The following ZNF423 variants were observed in gnomAD, a reference collection of about 807,000 sequenced individuals.
ZNF423 encodes Ebf-associated zinc finger protein.
A neutral mutation model predicts 95.8 loss-of-function variants in ZNF423; 12 were observed. That is an observed-to-expected ratio of 0.13 (90% CI 0.08 to 0.20). ZNF423 has a LOEUF of 0.20. ZNF423 is among the 10% of genes least tolerant of loss of function. The pLI, the probability that ZNF423 is intolerant of heterozygous loss-of-function variation, is 1.00. For synonymous variants in ZNF423, 749 were observed against 711.9 expected (o/e 1.05, Z -0.83); for missense variants, 1,316 against 1,737.1 (o/e 0.76, Z 4.31).
intron 2 of ZNF423, among the ~76,000 whole-genome samples, chr16:49,770,934 C>T (rs925057141): frequency 6.6e-6 from 1 of 152,180 alleles, no homozygotes; most frequent in Admixed American, 6.5e-5. Context: ...CTTCCAGCCC[C>T]CACCTTCCCT....
chr16:49,494,042 C>G (rs967304208), intron 7 of ZNF423, among the ~76,000 whole-genome samples: 1 of 152,246 alleles, frequency 6.6e-6, no homozygotes, highest in East Asian at 1.9e-4. Context: ...AATGAAGCAG[C>G]CTGTTGCCAG....
At chr16:49,669,739 C>A (rs572153710) in intron 3 of ZNF423, among the ~76,000 whole-genome samples, 24 of 152,198 alleles carry the variant, frequency 1.6e-4, no homozygotes, top group Non-Finnish European at 2.2e-4. Flanking sequence ...GGTCACCCCC[C>A]ACACAGAGCC....
chr16:49,824,605 T>C (rs1315714894), intron 1 of ZNF423, among the ~76,000 whole-genome samples: 1 of 152,154 alleles, frequency 6.6e-6, no homozygotes, highest in Middle Eastern at 3.4e-3. Flanking sequence ...GAGCACTGGG[T>C]GGGGAGCCAG....
intron 2 of ZNF423, among the ~76,000 whole-genome samples, chr16:49,732,212 C>G (rs1051213370): frequency 5.9e-5 from 9 of 152,188 alleles, no homozygotes; most frequent in Admixed American, 5.2e-4. Context: ...GACTCCTGGT[C>G]TAGTTCACTT....
chr16:49,837,774 A>G (rs1157644185), intron 1 of ZNF423, among the ~76,000 whole-genome samples: 1 of 152,196 alleles, frequency 6.6e-6, no homozygotes, highest in African/African-American at 2.4e-5. Flanking sequence ...AGGCAGGCAG[A>G]GGCAGCCCTA....
chr16:49,800,216 C>G (rs2034561028), intron 1 of ZNF423, among the ~76,000 whole-genome samples: 1 of 151,718 alleles, frequency 6.6e-6, no homozygotes, highest in Non-Finnish European at 1.5e-5. Context: ...TGCACTCCAA[C>G]CTGGGTGACA....
chr16:49,529,305 A>C (rs1301424088), intron 5 of ZNF423, among the ~76,000 whole-genome samples: 3 of 152,124 alleles, frequency 2.0e-5, no homozygotes, highest in African/African-American at 4.8e-5. Flanking sequence ...CTATTGATTT[A>C]TTATGATTAA....
At chr16:49,776,150 G>A (rs1485800620) in intron 2 of ZNF423, among the ~76,000 whole-genome samples, 1 of 152,222 alleles carries the variant, frequency 6.6e-6, no homozygotes, top group African/African-American at 2.4e-5. Context: ...AGCAGGGAGA[G>A]GGCAGCGGAG....
chr16:49,747,400 T>C (rs2033548371), intron 2 of ZNF423, among the ~76,000 whole-genome samples: 1 of 152,188 alleles, frequency 6.6e-6, no homozygotes, highest in Non-Finnish European at 1.5e-5. Flanking sequence ...AAAACATGTA[T>C]ATCAGTAGTA....
At chr16:49,692,037 C>T (rs906206897) in intron 3 of ZNF423, among the ~76,000 whole-genome samples, 3 of 152,128 alleles carry the variant, frequency 2.0e-5, no homozygotes, top group Admixed American at 2.0e-4. Flanking sequence ...GCAACCTCCA[C>T]CTCCCAGGCT....
intron 1 of ZNF423, among the ~76,000 whole-genome samples, chr16:49,821,094 T>TTTTGGAGA (rs2034933116): frequency 2.0e-5 from 3 of 152,234 alleles, no homozygotes; most frequent in African/African-American, 4.8e-5. Flanking sequence ...ACCTGTTCAC[T>TTTTGGAGA]TTCAAAGCCA....
intron 4 of ZNF423, among the ~76,000 whole-genome samples, chr16:49,634,667 G>C (rs1175872106): frequency 1.3e-5 from 2 of 152,308 alleles, no homozygotes; most frequent in East Asian, 3.9e-4. Flanking sequence ...AGCGGTCCTT[G>C]AGGGAAATAT....
intron 5 of ZNF423, among the ~76,000 whole-genome samples, chr16:49,533,053 C>T (rs980969010): frequency 6.6e-6 from 1 of 152,332 alleles, no homozygotes; most frequent in East Asian, 1.9e-4. Context: ...CTGACCACAG[C>T]AAGACTGGAC....
intron 3 of ZNF423, among the ~76,000 whole-genome samples, chr16:49,692,725 A>T (rs1270198526): frequency 2.6e-5 from 4 of 152,234 alleles, no homozygotes; most frequent in African/African-American, 7.2e-5. Context: ...CACTCACAAC[A>T]TGCTAGACAA....
chr16:49,644,940 C>A (rs1973121840), intron 3 of ZNF423, among the ~76,000 whole-genome samples: 1 of 152,130 alleles, frequency 6.6e-6, no homozygotes. Flanking sequence ...GGAGGCTGGG[C>A]CTCCACTGCC....
At chr16:49,681,846 G>T (rs1324259755) in intron 3 of ZNF423, among the ~76,000 whole-genome samples, 1 of 152,078 alleles carries the variant, frequency 6.6e-6, no homozygotes, top group African/African-American at 2.4e-5. Context: ...GTTCACTGCA[G>T]CCTCCACCTC....
At chr16:49,735,428 G>C (rs1215395275) in intron 2 of ZNF423, among the ~76,000 whole-genome samples, 1 of 152,030 alleles carries the variant, frequency 6.6e-6, no homozygotes, top group Non-Finnish European at 1.5e-5. Flanking sequence ...TCTCTCCCTT[G>C]GCAGGCTGCA....
chr16:49,744,945 G>C (rs938641062), intron 2 of ZNF423, among the ~76,000 whole-genome samples: 2 of 152,056 alleles, frequency 1.3e-5, no homozygotes, highest in African/African-American at 4.8e-5. Context: ...ATTTTTTATT[G>C]ATCACACTGT....
At chr16:49,754,203 C>T (rs886482743) in intron 2 of ZNF423, among the ~76,000 whole-genome samples, 5 of 150,810 alleles carry the variant, frequency 3.3e-5, no homozygotes, top group Admixed American at 2.6e-4. Context: ...ACCTAACCTG[C>T]CCTCTCTCTA....
Sources: gnomAD v4.1 joint callset for allele counts (sites outside exome capture counted in the v4.1 genomes callset) on GRCh38, gnomAD v4.1.1 for gene constraint, MANE v1.5 for transcripts, NCBI Gene and HGNC (gene_info 2026-07-23, HGNC 2026-07-21) for gene names.